Variants in MRI1 observed in about 807,000 individuals in gnomAD.
MRI1 encodes methylthioribose-1-phosphate isomerase.
MRI1 carries 32 observed loss-of-function variants against 27.3 expected under a neutral mutation model. The observed-to-expected ratio is 1.17, with a 90% CI of 0.88 to 1.57. The LOEUF (loss-of-function observed/expected upper bound fraction) is 1.57. Ranked by LOEUF, MRI1 falls within the 40% of genes most tolerant of loss-of-function variation. The pLI is 0.00. For missense variants in MRI1, 508 were observed against 516.1 expected, an observed-to-expected ratio of 0.98 and a Z score of 0.15; for synonymous variants, 216 against 227.4, an observed-to-expected ratio of 0.95 and a Z score of 0.45.
chr19:13,764,981 C>G lies in MRI1; in HGVS notation c.243C>G (p.Asp81Glu), dbSNP rs1599549430. 2.6e-6 allele frequency: 4 copies of G among 1,518,960 alleles called. No individual in the cohort carries two copies. The highest frequency in any genetic ancestry group is 1.4e-5 in the African/African-American group (1 of 70,826). The allele number at this position is 1,518,960 out of a possible 1,614,324, so 94.1% of individuals were successfully genotyped here. A position where few individuals can be genotyped will look rare whatever the true frequency, so the allele number is the denominator to read the frequency against. Residue 81 changes from aspartate to glutamate, a missense_variant, in exon 2 of 6, where the codon GAC (aspartate) becomes GAG (glutamate). Asp to Glu is a conservative substitution (Grantham distance 45). Coordinates refer to ENST00000040663, the MANE Select transcript of MRI1 (RefSeq NM_001031727.4). ...GLAALVAFVRDKLSFLVTARP... is the reference protein window; with the variant it reads ...GLAALVAFVREKLSFLVTARP... ...CCGCGCTCGTGGCCTTCGTGCGCGA[C>G]AAGCTGAGCTTCCTCGTCACCGCCC...
Position 13,766,003 on chromosome 19 carries a change from C to G in MRI1, c.421C>G (p.Arg141Gly), listed in dbSNP as rs200232331. ...DMLEKDLRDNRSIGDLGARHL... is the reference protein window; with the variant it reads ...DMLEKDLRDNGSIGDLGARHL... ...GCTGGAGAAAGACCTCAGAGACAAC[C>G]GAAGCATTGGGGACCTAGGAGCCCG... Residue 141 changes from arginine to glycine, a missense_variant, in exon 3 of 6, where the codon CGA becomes GGA. By Grantham distance (125) the Arg-to-Gly change is moderately radical. Transcript: ENST00000040663. 3.7e-6 allele frequency: 6 copies of G among 1,612,652 alleles called. No homozygotes were observed. Among genetic ancestry groups the G allele is most frequent in the South Asian group, 1.1e-5 (1 of 90,988 alleles).
Position 13,765,126 on chromosome 19 carries a change from C to CCAGAGGTACGGGGAT in MRI1, c.371+20_371+21insAGGTACGGGGATCAG, listed in dbSNP as rs757501236. The stretch of plus-strand genomic sequence containing the variant: ...CCGGGAGAGGTACGGGGATCTGGTA[C>CCAGAGGTACGGGGAT]CAGGCACGGCGCTGAGCAGGAATTA... On this transcript the variant is annotated intron_variant, in intron 2 of 5. Transcript: ENST00000040663. 21 of 1,504,568 alleles carry CCAGAGGTACGGGGAT rather than the reference C, an allele frequency of 1.4e-5. No individual in the cohort carries two copies. In the South Asian group the frequency reaches 2.0e-4, roughly 14 times the overall value. 93.2% of individuals were successfully genotyped at this position (1,504,568 alleles called of 1,614,324 possible).
At position 13,764,568 on chromosome 19, in the gene MRI1, G is replaced by C. The variant is rs1366650338; in HGVS notation, c.-21G>C. 4 of 1,603,434 alleles carry C rather than the reference G, an allele frequency of 2.5e-6. No homozygotes were observed. The highest frequency in any genetic ancestry group is 1.8e-4 in the Middle Eastern group (1 of 5,544). On this transcript the variant is annotated 5_prime_UTR_variant, in exon 1 of 6. Coordinates refer to ENST00000040663, the MANE Select transcript of MRI1 (RefSeq NM_001031727.4). ...GGACCCCTAGCTCCCTCTGAGTTGC[G>C]CTGGGCTTGGCTGCTGCACCATGAC...
chr19:13,768,502 A>C (rs1193195966), intron 3 of MRI1, 59 bp from the exon 4 acceptor site: 1 of 1,593,062 alleles, frequency 6.3e-7, no homozygotes, highest in Non-Finnish European at 8.6e-7. Flanking sequence ...TAACCAATGG[A>C]CCACCCTGTC....
chr19:13,768,507 CCTGT>C, intron 3 of MRI1, 50 bp from the exon 4 acceptor site: 1 of 1,593,540 alleles, frequency 6.3e-7, no homozygotes, highest in Non-Finnish European at 8.6e-7. Flanking sequence ...AATGGACCAC[CCTGT>C]CTGTTTGCCC....
chr19:13,770,788 C>T (rs1239867642), intron 5 of MRI1, among the ~76,000 whole-genome samples: 1 of 151,958 alleles, frequency 6.6e-6, no homozygotes, highest in Non-Finnish European at 1.5e-5. Flanking sequence ...GAGGCTGAGG[C>T]AGGAGAATTG....
Position 13,772,238 on chromosome 19 carries a change from C to T in MRI1, c.1067C>T (p.Thr356Ile). 2 of 1,614,132 alleles carry T rather than the reference C, an allele frequency of 1.2e-6. No homozygotes were observed. Among genetic ancestry groups the T allele is most frequent in the Non-Finnish European group, 8.5e-7 (1 of 1,180,004 alleles). The stretch of plus-strand genomic sequence containing the variant: ...GAGCTCCGGACAGCCCTAACCACCA[C>T]CATCTCTTCCAGGGATGGAACCCTA... The part of the protein sequence containing the change: ...PEELRTALTT[T>I]ISSRDGTLDG... The change falls in exon 6 of 6, where the codon ACC (threonine) becomes ATC (isoleucine). Residue 356 changes from threonine to isoleucine, a missense_variant. Around this residue, in one of 3 missense-constraint regions of MRI1, gnomAD observed 457 missense variants for 452.8 expected, o/e 1.01. Transcript: ENST00000040663.
At position 13,774,216 on chromosome 19, in the gene MRI1, G is replaced by A. The variant is rs192477616; in HGVS notation, c.*1935G>A. ...CCTAGTCTGAGTTTTTATGTGTAAA[G>A]ATCATAAAACGTTGTAAGTTTTCTA... On this transcript the variant is annotated 3_prime_UTR_variant, in exon 6 of 6. Coordinates refer to ENST00000040663, the MANE Select transcript of MRI1 (RefSeq NM_001031727.4). The A allele has an allele frequency of 2.3e-3, 1,008 of 438,140 alleles. 9 individuals are homozygous for A. The highest frequency in any genetic ancestry group is 0.018 in the African/African-American group (906 of 51,692). 27.1% of individuals were successfully genotyped at this position (438,140 alleles called of 1,614,324 possible).
chr19:13,767,008 CATATATATATATATAT>C (rs1250741648), intron 3 of MRI1, among the ~76,000 whole-genome samples: 1 of 49,568 alleles, frequency 2.0e-5, no homozygotes, highest in African/African-American at 6.7e-5. Flanking sequence ...TGCACATCCA[CATATATATATATATAT>C]ATATATATAT....
At position 13,773,481 on chromosome 19, in the gene MRI1, CAAT is replaced by C. The variant is rs1173742154; in HGVS notation, c.*1201_*1203del. 6.6e-6 allele frequency: 1 copy of C among 152,154 alleles called. No homozygotes were observed. The highest frequency in any genetic ancestry group is 1.9e-4 in the East Asian group (1 of 5,156). 9.4% of individuals were successfully genotyped at this position (152,154 alleles called of 1,614,324 possible). ...GTCTCTACAAACAAAAATTTAAAAA[CAAT>C]GAGCTGGGCATGGAACTCACACCTC... is the stretch of plus-strand genomic sequence containing the variant. On this transcript the variant is annotated 3_prime_UTR_variant, in exon 6 of 6. Coordinates refer to ENST00000040663, the MANE Select transcript of MRI1 (RefSeq NM_001031727.4).
intron 3 of MRI1, among the ~76,000 whole-genome samples, chr19:13,766,451 G>T (rs1048433758): frequency 6.6e-6 from 1 of 152,118 alleles, no homozygotes; most frequent in Non-Finnish European, 1.5e-5. Context: ...ATCTCAGGGG[G>T]TCCACTAGGG....
intron 5 of MRI1, 109 bp downstream of exon 5, chr19:13,769,157 C>A: frequency 1.1e-6 from 1 of 939,206 alleles, no homozygotes; most frequent in Non-Finnish European, 1.6e-6. Context: ...CTCCTACAAG[C>A]CACTTTTTCT....
rs1252565350 is a variant in MRI1, at chr19:13,773,027, T to TG, written c.*747dup. The TG allele has an allele frequency of 2.0e-5, 3 of 151,070 alleles. No individual in the cohort carries two copies. Among genetic ancestry groups the TG allele is most frequent in the African/African-American group, 7.3e-5 (3 of 41,148 alleles). 9.4% of individuals were successfully genotyped at this position (151,070 alleles called of 1,614,324 possible). On this transcript the variant is annotated 3_prime_UTR_variant, in exon 6 of 6. Coordinates refer to ENST00000040663, the MANE Select transcript of MRI1 (RefSeq NM_001031727.4). ...TATTTTGTTTTGGGTTTTTTTTTTTTGAGATCAAGTATCACTCGTTACCCA... is the reference window on the plus strand; with the variant it reads ...TATTTTGTTTTGGGTTTTTTTTTTTTGGAGATCAAGTATCACTCGTTACCCA...
In MRI1 at chr19:13,765,049, C is replaced by T; in HGVS notation, c.311C>T (p.Ala104Val). 7 of 1,524,102 alleles carry T rather than the reference C, an allele frequency of 4.6e-6. No homozygotes were observed. The highest frequency in any genetic ancestry group is 6.1e-6 in the Non-Finnish European group (7 of 1,140,768). 94.4% of individuals were successfully genotyped at this position (1,524,102 alleles called of 1,614,324 possible). ...VNMARAARDL[A>V]DVAAREAERE... ...ATGGCCCGCGCCGCCCGCGACCTGGCTGATGTTGCAGCCCGGGAGGCCGAA... is the reference window on the plus strand; with the variant it reads ...ATGGCCCGCGCCGCCCGCGACCTGGTTGATGTTGCAGCCCGGGAGGCCGAA... The change falls in exon 2 of 6, where the codon GCT becomes GTT. Residue 104 changes from alanine to valine, a missense_variant. By Grantham distance (64) the Ala-to-Val change is moderately conservative. Around this residue, in one of 3 missense-constraint regions of MRI1, gnomAD observed 457 missense variants for 452.8 expected, o/e 1.01. Coordinates refer to ENST00000040663, the MANE Select transcript of MRI1 (RefSeq NM_001031727.4).
intron 3 of MRI1, among the ~76,000 whole-genome samples, chr19:13,767,450 C>G (rs78280988): frequency 0.026 from 4,028 of 152,056 alleles, 170 homozygotes; most frequent in African/African-American, 0.092. Flanking sequence ...CGGTGCAGGC[C>G]TGTAATCAGG....
chr19:13,767,035 ATATTTTTTTTTTTTTTTT>A (rs1406079568), intron 3 of MRI1, among the ~76,000 whole-genome samples: 6 of 18,512 alleles, frequency 3.2e-4, no homozygotes, highest in African/African-American at 1.8e-3. Flanking sequence ...ATATATATAT[ATATTTTTTTTTTTTTTTT>A]TTTTTTTTTT....
rs558298182 is a variant in MRI1 at position 13,772,356 on chromosome 19, G to A, written c.*75G>A. 2.2e-5 allele frequency: 32 copies of A among 1,438,590 alleles called. No homozygotes were observed. Among genetic ancestry groups the A allele is most frequent in the African/African-American group, 9.9e-5 (7 of 70,570 alleles). 89.1% of individuals were successfully genotyped at this position (1,438,590 alleles called of 1,614,324 possible). A position where few individuals can be genotyped will look rare whatever the true frequency, so the allele number is the denominator to read the frequency against. On this transcript the variant is annotated 3_prime_UTR_variant, in exon 6 of 6. Transcript: ENST00000040663. Reference sequence around the variant, plus strand: ...TTGAATGGCTACCCAAAAGCTGACCGTCCAGCCCCTGACCACACTTGTTCC... The same window carrying A: ...TTGAATGGCTACCCAAAAGCTGACCATCCAGCCCCTGACCACACTTGTTCC...
intron 5 of MRI1, among the ~76,000 whole-genome samples, chr19:13,771,270 G>A (rs1256671661): frequency 6.6e-6 from 1 of 152,012 alleles, no homozygotes; most frequent in Admixed American, 6.6e-5. Flanking sequence ...GGGAGGCTGA[G>A]GCAGGAGAAT....
At chr19:13,771,944 C>G (rs1405595345) in intron 5 of MRI1, among the ~76,000 whole-genome samples, 177 bp from the exon 6 acceptor site, 5 of 152,136 alleles carry the variant, frequency 3.3e-5, no homozygotes, top group Admixed American at 3.3e-4. Context: ...AGTGGCGAGT[C>G]TAAACTTACT....
Sources: gnomAD v4.1 joint callset for allele counts (sites outside exome capture counted in the v4.1 genomes callset) on GRCh38, gnomAD v4.1.1 for gene constraint, gnomAD v4.1.1 regional missense constraint, MANE v1.5 for transcripts, NCBI Gene and HGNC (gene_info 2026-07-23, HGNC 2026-07-21) for gene names.